Variants in ARRDC5 observed in about 807,000 individuals in gnomAD.
ARRDC5 encodes the protein arrestin domain-containing protein 5.
A neutral mutation model predicts 13.3 loss-of-function variants in ARRDC5; 12 were observed. The observed-to-expected ratio is 0.90, with a 90% CI of 0.58 to 1.46. The LOEUF (loss-of-function observed/expected upper bound fraction) is 1.46, where lower values mean the gene tolerates loss of function less well. ARRDC5 is among the 40% of genes most tolerant of loss of function. The probability of loss-of-function intolerance (pLI) is 0.00; values close to 1 mark genes in which losing one functional copy is unlikely to be tolerated. For missense variants in ARRDC5, 406 were observed against 418.7 expected (o/e 0.97, Z 0.26); for synonymous variants, 181 against 173.4 (o/e 1.04, Z -0.34).
chr19:4,895,394 G>A (rs1167682118), intron 2 of ARRDC5, among the ~76,000 whole-genome samples: 1 of 125,510 alleles, frequency 8.0e-6, no homozygotes, highest in Non-Finnish European at 1.6e-5. Flanking sequence ...CTGCACTCCC[G>A]CCTGGGTGAC....
At chr19:4,907,306 G>GT (rs2032084356), upstream of ARRDC5, among the ~76,000 whole-genome samples, 1 of 151,954 alleles carries the variant, frequency 6.6e-6, no homozygotes, top group Non-Finnish European at 1.5e-5. Flanking sequence ...GTCTCGCTCT[G>GT]TTGTCCAGGC....
In ARRDC5 at chr19:4,890,923, T is replaced by C. The variant is rs2031477994; in HGVS notation, c.*123A>G. The C allele has an allele frequency of 2.7e-6, 2 of 728,142 alleles. No homozygotes were observed. The highest frequency in any genetic ancestry group is 4.5e-6 in the Non-Finnish European group (2 of 442,164). 45.1% of individuals were successfully genotyped at this position (728,142 alleles called of 1,614,324 possible). A position where few individuals can be genotyped will look rare whatever the true frequency, so the allele number is the denominator to read the frequency against. ...ACACAGATACCTAAACCGCTAGAGC[T>C]TGGGGAGGTTGCAGACAACCTGTTG... On this transcript the variant is annotated 3_prime_UTR_variant, in exon 3 of 3. Coordinates refer to ENST00000650722, the MANE Select transcript of ARRDC5 (RefSeq NM_001080523.3).
At chr19:4,892,850 G>A (rs142472413) in intron 2 of ARRDC5, among the ~76,000 whole-genome samples, 31 of 151,514 alleles carry the variant, frequency 2.0e-4, no homozygotes, top group Non-Finnish European at 3.8e-4. Flanking sequence ...ATGGCCAGGC[G>A]CTCCCAGCAT....
chr19:4,912,056 A>T, the ARRDC5 span, among the ~76,000 whole-genome samples: 1 of 152,160 alleles, frequency 6.6e-6, no homozygotes, highest in African/African-American at 2.4e-5. Context: ...ATGAGACCTG[A>T]TGATTAATTT....
At position 4,894,337 on chromosome 19, in the gene ARRDC5, C is replaced by T. The variant is rs561955724; in HGVS notation, c.459+2334G>A. ...CCATCCCGGCTAAAACGGTGAAACC[C>T]CGTCTCTACTAAAAATACAAAAAAT... On this transcript the variant is annotated intron_variant, in intron 2 of 2. Coordinates refer to ENST00000650722, the MANE Select transcript of ARRDC5 (RefSeq NM_001080523.3). 4.5e-3 allele frequency among the ~76,000 whole-genome samples: 673 copies of T among 150,732 alleles called. 3 individuals carry two copies. Among genetic ancestry groups the T allele is most frequent in the African/African-American group, 0.016 (647 of 40,998 alleles).
intron 2 of ARRDC5, among the ~76,000 whole-genome samples, chr19:4,891,844 A>G (rs2031523769): frequency 6.6e-6 from 1 of 151,568 alleles, no homozygotes; most frequent in Non-Finnish European, 1.5e-5. Context: ...AATCCCAGCT[A>G]CTCAGGAGGC....
upstream of ARRDC5, among the ~76,000 whole-genome samples, chr19:4,905,338 C>T (rs1217890547): frequency 6.6e-6 from 1 of 151,002 alleles, no homozygotes; most frequent in Non-Finnish European, 1.5e-5. Flanking sequence ...CCAGGATGGT[C>T]TCCATCTCCT....
upstream of ARRDC5, among the ~76,000 whole-genome samples, chr19:4,904,437 C>T (rs867645095): frequency 2.0e-5 from 3 of 152,286 alleles, no homozygotes; most frequent in African/African-American, 4.8e-5. Flanking sequence ...CCTTGGCCTC[C>T]CAAAGTGCTG....
the ARRDC5 span, among the ~76,000 whole-genome samples, chr19:4,915,464 G>A: frequency 4.6e-5 from 7 of 152,244 alleles, no homozygotes; most frequent in South Asian, 6.2e-4. Context: ...TTGTAATCCC[G>A]GTGCTTTGGG....
chr19:4,909,448 G>A, the ARRDC5 span: 2 of 653,680 alleles, frequency 3.1e-6, no homozygotes, highest in Non-Finnish European at 2.8e-6. Context: ...CCCCGGCACG[G>A]CCTCCTGCGG....
chr19:4,893,771 G>A (rs376168335), intron 2 of ARRDC5, among the ~76,000 whole-genome samples: 69 of 145,822 alleles, frequency 4.7e-4, no homozygotes, highest in African/African-American at 1.5e-3. Flanking sequence ...GGCCGGGTGC[G>A]GTGGCTCACC....
intron 1 of ARRDC5, 72 bp downstream of exon 1, chr19:4,902,501 C>T: frequency 6.9e-7 from 1 of 1,449,414 alleles, no homozygotes; most frequent in African/African-American, 1.4e-5. Context: ...TGTTGATTGA[C>T]TCTCGGATGT....
At chr19:4,905,760 G>A (rs574399368), upstream of ARRDC5, among the ~76,000 whole-genome samples, 2 of 151,878 alleles carry the variant, frequency 1.3e-5, no homozygotes, top group Non-Finnish European at 2.9e-5. Context: ...TCAGTGATCC[G>A]CCTGCCTTGG....
At position 4,891,196 on chromosome 19, in the gene ARRDC5, G is replaced by A. The variant is rs764738190; in HGVS notation, c.837C>T (p.Tyr279=). 4 of 1,613,746 alleles carry A rather than the reference G, an allele frequency of 2.5e-6. No individual in the cohort carries two copies. The highest frequency in any genetic ancestry group is 2.2e-5 in the South Asian group (2 of 91,068). ...TQDGEIMHTR[Y]ELVTTVHLPW... ...GCAGGTGCACGGTGGTGACCAGCTC[G>A]TAGCGAGTGTGCATGATCTCACCGT... The change falls in exon 3 of 3, where the codon TAC becomes TAT. Residue 279 remains tyrosine (Y), a synonymous_variant. Coordinates refer to ENST00000650722, the MANE Select transcript of ARRDC5 (RefSeq NM_001080523.3).
the ARRDC5 span, among the ~76,000 whole-genome samples, chr19:4,908,798 C>T: frequency 6.6e-6 from 1 of 152,336 alleles, no homozygotes; most frequent in African/African-American, 2.4e-5. Flanking sequence ...CCAACTGGGT[C>T]TGCCATGTAC....
upstream of ARRDC5, among the ~76,000 whole-genome samples, chr19:4,905,108 CTTTTTTTTT>C (rs61443004): frequency 7.4e-5 from 7 of 95,182 alleles, no homozygotes; most frequent in South Asian, 3.3e-4. Flanking sequence ...CGTAAACTTT[CTTTTTTTTT>C]TTTTTTTTTT....
rs2146238739 is a variant in ARRDC5, at chr19:4,891,347, G to A, written c.686C>T (p.Ser229Phe). 2 of 1,613,818 alleles carry A rather than the reference G, an allele frequency of 1.2e-6. No homozygotes were observed. The highest frequency in any genetic ancestry group is 1.3e-5 in the African/African-American group (1 of 75,056). ...CAGAAGCTCGCTGCTGTCCAGCCGA[G>A]ACCGCCGCTCTGCACTGGGCGTGAA... ...EGFTPSAERR[S>F]RLDSSELLRQ... The change falls in exon 3 of 3, where the codon TCT (serine) becomes TTT (phenylalanine). Residue 229 changes from serine (S) to phenylalanine (F), a missense_variant. Coordinates refer to ENST00000650722, the MANE Select transcript of ARRDC5 (RefSeq NM_001080523.3).
At chr19:4,903,227 C>T (rs1045230767), upstream of ARRDC5, 2 of 213,874 alleles carry the variant, frequency 9.4e-6, no homozygotes, top group Admixed American at 1.1e-4. Context: ...ACTGTGTTGG[C>T]CAGGATGGTC....
chr19:4,897,317 C>T (rs1599216331), intron 1 of ARRDC5, among the ~76,000 whole-genome samples: 1 of 151,836 alleles, frequency 6.6e-6, no homozygotes, highest in Non-Finnish European at 1.5e-5. Flanking sequence ...CTTGTCTGTC[C>T]CTCCTGAGTT....
Sources: allele counts gnomAD v4.1 joint callset (sites outside exome capture counted in the v4.1 genomes callset), GRCh38; gene constraint gnomAD v4.1.1; transcripts MANE v1.5; gene names NCBI Gene and HGNC (gene_info 2026-07-23, HGNC 2026-07-21).